The following PTPRD variants were observed in gnomAD, a reference collection of about 807,000 sequenced individuals.
PTPRD encodes protein tyrosine phosphatase receptor type D, also known as receptor-type tyrosine-protein phosphatase delta.
Under a neutral mutation model 214.5 loss-of-function variants are expected in PTPRD, and 34 were observed. The ratio of observed to expected loss-of-function variants is 0.16; its 90% confidence interval spans 0.12 to 0.21. The LOEUF (loss-of-function observed/expected upper bound fraction) is 0.21. Ranked by LOEUF, PTPRD falls within the 10% of genes least tolerant of loss-of-function variation. PTPRD has a pLI of 1.00. For missense variants in PTPRD, 2,545 were observed against 2,398.7 expected (o/e 1.06, Z -1.27); for synonymous variants, 1,128 against 845.7 (o/e 1.33, Z -5.79).
intron 11 of PTPRD, among the ~76,000 whole-genome samples, chr9:8,797,680 A>T (rs540513777): frequency 5.3e-5 from 8 of 152,258 alleles, no homozygotes; most frequent in African/African-American, 1.9e-4. Flanking sequence ...CCTGTCACTG[A>T]TCTCACCAGG....
chr9:8,783,450 T>C (rs764961909), intron 11 of PTPRD, among the ~76,000 whole-genome samples: 5 of 152,248 alleles, frequency 3.3e-5, no homozygotes, highest in Non-Finnish European at 7.3e-5. Context: ...AAGTTTTATA[T>C]GTATTCTTTC....
chr9:8,414,930 G>GGA (rs58529453), intron 35 of PTPRD, among the ~76,000 whole-genome samples: 5,460 of 48,954 alleles, frequency 0.11, 463 homozygotes, highest in Non-Finnish European at 0.14. Flanking sequence ...AGAGGGAGGG[G>GGA]GAGAGAGAGA....
At chr9:8,964,830 T>A (rs915304071) in intron 11 of PTPRD, among the ~76,000 whole-genome samples, 12 of 152,178 alleles carry the variant, frequency 7.9e-5, no homozygotes, top group African/African-American at 2.9e-4. Flanking sequence ...TCAGAAAAAA[T>A]TAATTTGCAT....
At chr9:10,200,571 T>C (rs577764713) in intron 3 of PTPRD, among the ~76,000 whole-genome samples, 26 of 152,234 alleles carry the variant, frequency 1.7e-4, no homozygotes, top group African/African-American at 6.0e-4. Context: ...CTACCTTTCA[T>C]GGCTATCCAG....
chr9:8,950,676 T>C (rs2099096764), intron 11 of PTPRD, among the ~76,000 whole-genome samples: 1 of 151,970 alleles, frequency 6.6e-6, no homozygotes, highest in South Asian at 2.1e-4. Flanking sequence ...CAGAATCCTA[T>C]ACACTATTAA....
intron 4 of PTPRD, among the ~76,000 whole-genome samples, chr9:10,016,388 GATA>G (rs1350205638): frequency 1.1e-4 from 15 of 141,364 alleles, no homozygotes; most frequent in Non-Finnish European, 1.5e-4. Context: ...TAGATAGATA[GATA>G]GATAGACAGA....
At chr9:8,400,042 GAA>G (rs753464907) in intron 36 of PTPRD, among the ~76,000 whole-genome samples, 14 of 151,056 alleles carry the variant, frequency 9.3e-5, no homozygotes, top group Non-Finnish European at 1.9e-4. Flanking sequence ...CTTTGTTGTT[GAA>G]TTGAAAAGCA....
chr9:8,548,918 T>G (rs974997900), intron 14 of PTPRD, among the ~76,000 whole-genome samples: 15 of 152,006 alleles, frequency 9.9e-5, no homozygotes, highest in Non-Finnish European at 1.6e-4. Flanking sequence ...CTTGGACTCC[T>G]GACCTCAGGT....
chr9:8,334,086 A>C (rs1452698681), intron 43 of PTPRD, among the ~76,000 whole-genome samples: 8 of 152,170 alleles, frequency 5.3e-5, no homozygotes, highest in Non-Finnish European at 7.4e-5. Flanking sequence ...ACACAATAAT[A>C]ATAGGAGACT....
At chr9:8,848,019 G>T (rs2097733551) in intron 11 of PTPRD, among the ~76,000 whole-genome samples, 2 of 151,888 alleles carry the variant, frequency 1.3e-5, no homozygotes, top group African/African-American at 2.4e-5. Context: ...CTGTTGGGCA[G>T]CTATGAAAAT....
intron 3 of PTPRD, among the ~76,000 whole-genome samples, chr9:10,256,745 C>A (rs1394946294): frequency 6.6e-6 from 1 of 152,172 alleles, no homozygotes; most frequent in Non-Finnish European, 1.5e-5. Context: ...CTACCTGCTT[C>A]TCTAGGCTCA....
intron 11 of PTPRD, among the ~76,000 whole-genome samples, chr9:8,816,502 G>A (rs888744213): frequency 6.6e-6 from 1 of 152,138 alleles, no homozygotes; most frequent in Non-Finnish European, 1.5e-5. Context: ...GCACAAAACA[G>A]CGTTTAGGAA....
chr9:10,280,601 C>T (rs1322689787), intron 3 of PTPRD, among the ~76,000 whole-genome samples: 2 of 152,128 alleles, frequency 1.3e-5, no homozygotes, highest in Admixed American at 1.3e-4. Context: ...AGGATAAAAC[C>T]TCAAATTTGC....
At chr9:10,269,504 G>A (rs2094298636) in intron 3 of PTPRD, among the ~76,000 whole-genome samples, 1 of 152,094 alleles carries the variant, frequency 6.6e-6, no homozygotes, top group Non-Finnish European at 1.5e-5. Context: ...CCTGAGGAAA[G>A]AAAACCCTTT....
intron 9 of PTPRD, among the ~76,000 whole-genome samples, chr9:9,237,287 G>A (rs2099967420): frequency 1.3e-5 from 2 of 152,046 alleles, no homozygotes; most frequent in Admixed American, 6.6e-5. Flanking sequence ...AACCTTACCT[G>A]GGCATGATGG....
intron 7 of PTPRD, among the ~76,000 whole-genome samples, chr9:9,683,470 A>G (rs1455753153): frequency 6.6e-6 from 1 of 151,732 alleles, no homozygotes; most frequent in Non-Finnish European, 1.5e-5. Context: ...TAAACATCAA[A>G]AATCAAAAGC....
chr9:8,459,330 G>A (rs2096310316), intron 33 of PTPRD, among the ~76,000 whole-genome samples: 1 of 152,002 alleles, frequency 6.6e-6, no homozygotes, highest in South Asian at 2.1e-4. Flanking sequence ...GTAGAAGGAT[G>A]AGATCAACTT....
At chr9:8,827,037 C>T (rs186191143) in intron 11 of PTPRD, among the ~76,000 whole-genome samples, 1 of 152,014 alleles carries the variant, frequency 6.6e-6, no homozygotes, top group Non-Finnish European at 1.5e-5. Context: ...TACCCCTACA[C>T]ACACACATAT....
chr9:10,500,671 G>C (rs1023987270), intron 2 of PTPRD, among the ~76,000 whole-genome samples: 19 of 151,638 alleles, frequency 1.3e-4, no homozygotes, highest in African/African-American at 4.6e-4. Context: ...GTACCCATTA[G>C]CCATTCCAAC....
Sources: gnomAD v4.1 joint callset for allele counts (sites outside exome capture counted in the v4.1 genomes callset) on GRCh38, gnomAD v4.1.1 for gene constraint, MANE v1.5 for transcripts, NCBI Gene and HGNC (gene_info 2026-07-23, HGNC 2026-07-21) for gene names.